TMEM245: variants seen among roughly 807,000 people sequenced by gnomAD.
The protein encoded by TMEM245 is transmembrane protein 245.
In TMEM245, 69 loss-of-function variants were observed where a neutral mutation model predicts 101.2. The observed-to-expected ratio is 0.68, with a 90% CI of 0.56 to 0.83. The LOEUF (loss-of-function observed/expected upper bound fraction) is 0.83. Among genes scored for constraint, TMEM245 ranks in the 40% least tolerant of loss-of-function variants. TMEM245 has a pLI of 0.00. For missense variants in TMEM245, 1,075 were observed against 1,092.8 expected (o/e 0.98, Z 0.23); for synonymous variants, 537 against 449.8 (o/e 1.19, Z -2.45).
In TMEM245 at chr9:109,064,501, A is replaced by G. The variant is rs1175100334; in HGVS notation, c.1599T>C (p.Tyr533=). 1.9e-6 allele frequency: 3 copies of G among 1,613,778 alleles called. No homozygotes were observed. The highest frequency in any genetic ancestry group is 1.1e-5 in the South Asian group (1 of 91,056). The part of the protein sequence containing the change: ...LNSAANNVYQ[Y]GREWITHKLH... ...CCTTGTGAGTTATCCATTCTCGTCCATACTGATACACGTTGTTAGCCGCAG... is the reference window on the plus strand; with the variant it reads ...CCTTGTGAGTTATCCATTCTCGTCCGTACTGATACACGTTGTTAGCCGCAG... Residue 533 remains tyrosine, a synonymous_variant, in exon 10 of 18, where the codon TAT becomes TAC. Transcript: ENST00000374586.
intron 3 of TMEM245, among the ~76,000 whole-genome samples, chr9:109,102,524 A>AT (rs1211041996): frequency 2.3e-4 from 35 of 152,370 alleles, no homozygotes; most frequent in African/African-American, 7.5e-4. Flanking sequence ...ATAATGCTCT[A>AT]TAAGTGTATT....
intron 3 of TMEM245, among the ~76,000 whole-genome samples, chr9:109,101,726 T>C (rs979336216): frequency 6.6e-6 from 1 of 152,362 alleles, no homozygotes; most frequent in East Asian, 1.9e-4. Context: ...ATTTCCTTCC[T>C]TGTCATAGCC....
intron 14 of TMEM245, among the ~76,000 whole-genome samples, chr9:109,045,615 T>C (rs1276767488): frequency 3.3e-5 from 5 of 152,204 alleles, no homozygotes; most frequent in Non-Finnish European, 5.9e-5. Flanking sequence ...CATAGGCAAA[T>C]AGTAAACGTG....
intron 17 of TMEM245, among the ~76,000 whole-genome samples, chr9:109,027,092 G>A (rs924244125): frequency 7.9e-5 from 12 of 152,100 alleles, no homozygotes; most frequent in African/African-American, 2.9e-4. Flanking sequence ...TAAAAAGCTG[G>A]ATCTTAAACC....
chr9:109,033,603 T>C, intron 16 of TMEM245, 102 bp from the exon 17 acceptor site: 4 of 1,157,920 alleles, frequency 3.5e-6, no homozygotes, highest in Non-Finnish European at 4.7e-6. Flanking sequence ...CTTTTTAGCA[T>C]ATTATCAGCT....
At chr9:109,108,924 T>C (rs1395322871) in intron 1 of TMEM245, among the ~76,000 whole-genome samples, 4 of 152,074 alleles carry the variant, frequency 2.6e-5, no homozygotes. Context: ...TTTTCTCTGT[T>C]GATCAATGTT....
intron 3 of TMEM245, among the ~76,000 whole-genome samples, chr9:109,094,043 A>C (rs1468307454): frequency 6.6e-6 from 1 of 152,268 alleles, no homozygotes; most frequent in African/African-American, 2.4e-5. Flanking sequence ...GAGTATGCGA[A>C]TATATGGCTA....
chr9:109,037,879 C>T (rs1026789641), intron 15 of TMEM245, 138 bp downstream of exon 15: 5 of 574,668 alleles, frequency 8.7e-6, no homozygotes, highest in Admixed American at 3.2e-5. Flanking sequence ...ATTTCTGTTC[C>T]TAATGTGGAC....
intron 1 of TMEM245, among the ~76,000 whole-genome samples, chr9:109,113,066 G>A (rs943626839): frequency 3.3e-5 from 5 of 152,164 alleles, no homozygotes; most frequent in African/African-American, 9.7e-5. Flanking sequence ...ACAGAGCAAG[G>A]CTCCATCTCA....
At chr9:109,020,643 G>C (rs1419568534) in intron 17 of TMEM245, 138 bp from the exon 18 acceptor site, 1 of 747,140 alleles carries the variant, frequency 1.3e-6, no homozygotes, top group Admixed American at 2.9e-5. Flanking sequence ...TTCAAAGTCT[G>C]CTAGTTGTTG....
At chr9:109,102,361 A>C (rs866332361) in intron 3 of TMEM245, among the ~76,000 whole-genome samples, 95 of 152,332 alleles carry the variant, frequency 6.2e-4, no homozygotes, top group Middle Eastern at 6.8e-3. Context: ...TTTACAAATA[A>C]AAATATGGCT....
intron 10 of TMEM245, 83 bp from the exon 11 acceptor site, chr9:109,060,535 T>C: frequency 1.1e-6 from 1 of 950,466 alleles, no homozygotes. Flanking sequence ...TATTTACATT[T>C]GTTCCAAAGC....
intron 11 of TMEM245, among the ~76,000 whole-genome samples, chr9:109,059,053 T>G (rs1324876233): frequency 6.6e-6 from 1 of 152,160 alleles, no homozygotes; most frequent in South Asian, 2.1e-4. Context: ...CTGACCTTCC[T>G]CTACTATAAA....
chr9:109,117,042 G>GT (rs375661754), intron 1 of TMEM245, among the ~76,000 whole-genome samples: 32 of 151,120 alleles, frequency 2.1e-4, no homozygotes, highest in Non-Finnish European at 4.3e-4. Flanking sequence ...TGTTGAGTTT[G>GT]TTTTTTTTTA....
intron 3 of TMEM245, among the ~76,000 whole-genome samples, chr9:109,103,534 G>C (rs1476213524): frequency 6.6e-6 from 1 of 152,030 alleles, no homozygotes; most frequent in Non-Finnish European, 1.5e-5. Flanking sequence ...ATACACAATG[G>C]AGTACTATTC....
intron 12 of TMEM245, among the ~76,000 whole-genome samples, chr9:109,056,707 T>C (rs1828849863): frequency 6.6e-6 from 1 of 152,194 alleles, no homozygotes; most frequent in African/African-American, 2.4e-5. Context: ...ACAAGAAAAC[T>C]GCCCTCTGTG....
At position 109,119,847 on chromosome 9, in the gene TMEM245, C is replaced by G. The variant is rs921053387; in HGVS notation, c.67G>C (p.Val23Leu). The G allele has an allele frequency of 7.5e-7, 1 of 1,331,460 alleles. No individual in the cohort carries two copies. Among genetic ancestry groups the G allele is most frequent in the Non-Finnish European group, 9.5e-7 (1 of 1,051,420 alleles). 82.5% of individuals were successfully genotyped at this position (1,331,460 alleles called of 1,614,324 possible). ...LRSSPGPAPRVPRAVGPSGGG... is the reference protein window; with the variant it reads ...LRSSPGPAPRLPRAVGPSGGG... ...CCACTCGGCCCGACCGCGCGCGGGA[C>G]CCGCGGCGCCGGCCCGGGAGAGCTC... Residue 23 changes from valine (V) to leucine (L), a missense_variant, in exon 1 of 18, where the codon GTC becomes CTC. Coordinates refer to ENST00000374586, the MANE Select transcript of TMEM245 (RefSeq NM_032012.4).
chr9:109,060,360 A>C lies in TMEM245; in HGVS notation c.1716T>G (p.Phe572Leu). ...ELWDRLYHSW[F>L]VKNVTHSGRH... ...TTTAGCTAAAATAACTTACCTTTAC[A>C]AACCAAGAGTGATACAGTCTGTCCC... The change falls in exon 11 of 18, where the codon TTT (phenylalanine) becomes TTG (leucine). Residue 572 changes from phenylalanine (F) to leucine (L), a missense_variant. Around this residue, in one of 2 missense-constraint regions of TMEM245, gnomAD observed 808 missense variants for 741.5 expected, o/e 1.09. Coordinates refer to ENST00000374586, the MANE Select transcript of TMEM245 (RefSeq NM_032012.4). 1 of 1,608,868 alleles carries C rather than the reference A, an allele frequency of 6.2e-7. No individual in the cohort carries two copies. The highest frequency in any genetic ancestry group is 8.5e-7 in the Non-Finnish European group (1 of 1,178,054).
At chr9:109,077,399 T>C (rs1314880246) in intron 8 of TMEM245, among the ~76,000 whole-genome samples, 1 of 152,214 alleles carries the variant, frequency 6.6e-6, no homozygotes, top group Non-Finnish European at 1.5e-5. Context: ...GGGATCCACC[T>C]GCCTCATCTT....
Sources: allele counts gnomAD v4.1 joint callset (sites outside exome capture counted in the v4.1 genomes callset), GRCh38; gene constraint gnomAD v4.1.1; regional missense constraint gnomAD v4.1.1; transcripts MANE v1.5; gene names NCBI Gene and HGNC (gene_info 2026-07-23, HGNC 2026-07-21).